EPHA6: variants seen among roughly 807,000 people sequenced by gnomAD.
The protein encoded by EPHA6 is EPH receptor A6.
A neutral mutation model predicts 112.0 loss-of-function variants in EPHA6; 50 were observed. The ratio of observed to expected loss-of-function variants is 0.45; its 90% CI spans 0.36 to 0.56. EPHA6 has a LOEUF of 0.56. EPHA6 is among the 20% of genes least tolerant of loss of function. The pLI is 0.00. For synonymous variants in EPHA6, 529 were observed against 490.7 expected (o/e 1.08, Z -1.03); for missense variants, 1,280 against 1,417.4 (o/e 0.90, Z 1.56).
At chr3:96,843,705 G>T (rs978157491) in intron 1 of EPHA6, among the ~76,000 whole-genome samples, 1 of 152,108 alleles carries the variant, frequency 6.6e-6, no homozygotes, top group East Asian at 1.9e-4. Context: ...ACTTGAATTG[G>T]CAGCCAGCCA....
chr3:97,277,838 T>C (rs143246932), intron 5 of EPHA6, among the ~76,000 whole-genome samples: 8 of 152,296 alleles, frequency 5.3e-5, no homozygotes, highest in African/African-American at 1.7e-4. Context: ...AGTGAGTGAA[T>C]GTGAAGGCCT....
At position 97,487,170 on chromosome 3, in the gene EPHA6, A is replaced by G. The variant is rs146478225; in HGVS notation, c.2200+3111A>G. On this transcript the variant is annotated intron_variant, in intron 10 of 17. Transcript: ENST00000389672. ...ATTGACAGTAGGAATGGCAAGGAGT[A>G]CTTAGATTCACAGTTCATTTCTGAG... Among the ~76,000 whole-genome samples the G allele has an allele frequency of 2.5e-3, 379 of 152,326 alleles. 1 individual carries two copies. Among genetic ancestry groups the G allele is most frequent in the African/African-American group, 8.7e-3 (360 of 41,596 alleles).
chr3:96,865,396 C>A (rs904758327), intron 1 of EPHA6, among the ~76,000 whole-genome samples: 3 of 151,692 alleles, frequency 2.0e-5, no homozygotes, highest in African/African-American at 7.3e-5. Flanking sequence ...GATGAGAAAC[C>A]CCCAGCCAGG....
intron 12 of EPHA6, among the ~76,000 whole-genome samples, chr3:97,599,674 GTAGTA>G (rs1252646274): frequency 1.3e-5 from 2 of 152,038 alleles, no homozygotes; most frequent in Non-Finnish European, 2.9e-5. Context: ...CTGTAGCCTT[GTAGTA>G]TAGTTTGAAG....
chr3:96,867,785 C>CT (rs1249721156), intron 2 of EPHA6, among the ~76,000 whole-genome samples: 1 of 151,720 alleles, frequency 6.6e-6, no homozygotes, highest in Non-Finnish European at 1.5e-5. Context: ...ATGTTTTATT[C>CT]TTTTAGAATC....
At chr3:97,366,850 T>C (rs1222393545) in intron 5 of EPHA6, among the ~76,000 whole-genome samples, 1 of 152,222 alleles carries the variant, frequency 6.6e-6, no homozygotes, top group Non-Finnish European at 1.5e-5. Flanking sequence ...TAAATTCCTT[T>C]ATTTCATTGA....
At chr3:97,686,614 A>C (rs908703727) in intron 14 of EPHA6, among the ~76,000 whole-genome samples, 3 of 152,192 alleles carry the variant, frequency 2.0e-5, no homozygotes, top group African/African-American at 7.2e-5. Flanking sequence ...ATTTATTAAC[A>C]TCTTCTCTAC....
At chr3:97,435,574 T>C (rs1420877287) in intron 6 of EPHA6, among the ~76,000 whole-genome samples, 2 of 152,126 alleles carry the variant, frequency 1.3e-5, no homozygotes, top group East Asian at 3.9e-4. Flanking sequence ...ACTTTGAAAA[T>C]GAGATTTCTG....
At chr3:97,595,096 A>G (rs1445326379) in intron 12 of EPHA6, among the ~76,000 whole-genome samples, 1 of 152,232 alleles carries the variant, frequency 6.6e-6, no homozygotes, top group African/African-American at 2.4e-5. Flanking sequence ...TATAGTACTT[A>G]CTTTTACAGT....
intron 10 of EPHA6, among the ~76,000 whole-genome samples, chr3:97,528,823 A>T (rs926523118): frequency 1.3e-5 from 2 of 152,166 alleles, no homozygotes; most frequent in Non-Finnish European, 2.9e-5. Flanking sequence ...CTTGTCCAGG[A>T]ATGTTTTACC....
intron 5 of EPHA6, among the ~76,000 whole-genome samples, chr3:97,302,912 A>G (rs16845814): frequency 0.015 from 2,270 of 152,012 alleles, 55 homozygotes; most frequent in African/African-American, 0.049. Flanking sequence ...GACCAAATTT[A>G]TATAGTCAGC....
intron 3 of EPHA6, among the ~76,000 whole-genome samples, chr3:97,158,834 T>C (rs1484578831): frequency 1.3e-5 from 2 of 152,130 alleles, no homozygotes; most frequent in African/African-American, 4.8e-5. Flanking sequence ...CCTCTAAAGA[T>C]AAGCTATCAG....
Position 97,244,286 on chromosome 3 carries a change from T to C in EPHA6, c.1605T>C (p.Asp535=), listed in dbSNP as rs1428261761. ...FTAITVTTDQ[D]APSLIGVVRK... The stretch of plus-strand genomic sequence containing the variant: ...CTATTACAGTGACCACGGATCAAGA[T>C]GGTAAGTTCCACTGCTGTTCTCTCA... The change falls in exon 5 of 18, where the codon GAT becomes GAC. Residue 535 remains aspartate, a splice_region_variant and synonymous_variant. Coordinates refer to ENST00000389672, the MANE Select transcript of EPHA6 (RefSeq NM_001080448.3). 6.2e-7 allele frequency: 1 copy of C among 1,612,768 alleles called. No homozygotes were observed. The highest frequency in any genetic ancestry group is 2.2e-5 in the East Asian group (1 of 44,874).
At chr3:97,619,349 G>C (rs2093793360) in intron 13 of EPHA6, among the ~76,000 whole-genome samples, 1 of 147,440 alleles carries the variant, frequency 6.8e-6, no homozygotes, top group Non-Finnish European at 1.5e-5. Flanking sequence ...CTTGAAAAAG[G>C]GCACAAGACA....
intron 3 of EPHA6, among the ~76,000 whole-genome samples, chr3:97,189,454 A>G: frequency 6.6e-6 from 1 of 152,000 alleles, no homozygotes; most frequent in Non-Finnish European, 1.5e-5. Context: ...AAACAAGCCT[A>G]CTGTATTTTT....
chr3:97,273,426 A>G (rs777942319), intron 5 of EPHA6, among the ~76,000 whole-genome samples: 1 of 152,090 alleles, frequency 6.6e-6, no homozygotes, highest in Non-Finnish European at 1.5e-5. Context: ...AGGGATGACA[A>G]GTTTTTTGGG....
intron 3 of EPHA6, among the ~76,000 whole-genome samples, chr3:97,082,100 A>G (rs1276961092): frequency 1.3e-5 from 2 of 151,766 alleles, no homozygotes; most frequent in Admixed American, 6.6e-5. Flanking sequence ...TTGTTTTGAA[A>G]TATGTATATA....
chr3:97,256,963 G>A (rs2079334970), intron 5 of EPHA6, among the ~76,000 whole-genome samples: 1 of 151,898 alleles, frequency 6.6e-6, no homozygotes, highest in African/African-American at 2.4e-5. Context: ...TTTCCTATGA[G>A]AGCATAAAAA....
In EPHA6 at chr3:97,694,837, A is replaced by G. The variant is rs560305576; in HGVS notation, c.2785-25424A>G. Among the ~76,000 whole-genome samples, 9 of 152,334 alleles carry G rather than the reference A, an allele frequency of 5.9e-5. No individual in the cohort carries two copies. The South Asian group carries it at 1.7e-3, about 28-fold the overall frequency. ...TTTAAGAAGCTATTCTATAACCAAG[A>G]CATAGATAGTTGTTGTCTTCAAACT... On this transcript the variant is annotated intron_variant, in intron 14 of 17. Transcript: ENST00000389672.
Sources: allele counts gnomAD v4.1 joint callset (sites outside exome capture counted in the v4.1 genomes callset), GRCh38; gene constraint gnomAD v4.1.1; transcripts MANE v1.5; gene names NCBI Gene and HGNC (gene_info 2026-07-23, HGNC 2026-07-21).